Variants in ZNF749 observed in about 807,000 individuals in gnomAD.
ZNF749 encodes the protein zinc finger protein 749.
In ZNF749, 8 loss-of-function variants were observed where a neutral mutation model predicts 7.3. The observed-to-expected ratio is 1.10, with a 90% CI of 0.64 to 1.98. The LOEUF (loss-of-function observed/expected upper bound fraction) is 1.98. ZNF749 is among the 30% of genes most tolerant of loss of function. The probability of loss-of-function intolerance (pLI) is 0.00; values close to 1 mark genes in which losing one functional copy is unlikely to be tolerated. For missense variants in ZNF749, 898 were observed against 932.4 expected, an observed-to-expected ratio of 0.96 and a Z score of 0.48; for synonymous variants, 310 against 322.4, an observed-to-expected ratio of 0.96 and a Z score of 0.41.
upstream of ZNF749, among the ~76,000 whole-genome samples, chr19:57,433,438 G>T (rs898402125): frequency 4.6e-5 from 7 of 152,118 alleles, no homozygotes; most frequent in Non-Finnish European, 1.0e-4. Context: ...TATATTTGGT[G>T]TAGCCGTTGT....
At position 57,445,527 on chromosome 19, in the gene ZNF749, C is replaced by T. The variant is rs766005401; in HGVS notation, c.*42C>T. 1 of 1,561,306 alleles carries T rather than the reference C, an allele frequency of 6.4e-7. No individual in the cohort carries two copies. Among genetic ancestry groups the T allele is most frequent in the Non-Finnish European group, 8.6e-7 (1 of 1,156,234 alleles). On this transcript the variant is annotated 3_prime_UTR_variant, in exon 3 of 3. Coordinates refer to ENST00000334181, the MANE Select transcript of ZNF749 (RefSeq NM_001023561.4). ...AAGTCACCAAAACTGTCACCTCATT[C>T]AGCACCAAAAGGTTCACATCGGACC...
At position 57,444,688 on chromosome 19, in the gene ZNF749, A is replaced by G. The variant is rs762555675; in HGVS notation, c.1540A>G (p.Thr514Ala). 2 of 1,613,446 alleles carry G rather than the reference A, an allele frequency of 1.2e-6. No homozygotes were observed. The highest frequency in any genetic ancestry group is 2.2e-5 in the East Asian group (1 of 44,860). Residue 514 changes from threonine (T) to alanine (A), a missense_variant, in exon 3 of 3, where the codon ACT (threonine) becomes GCT (alanine). Coordinates refer to ENST00000334181, the MANE Select transcript of ZNF749 (RefSeq NM_001023561.4). ...IHTGERPYEC[T>A]QCAKAFVRKS... ...TACTGGAGAACGGCCTTATGAATGC[A>G]CTCAATGTGCGAAGGCCTTTGTTAG...
chr19:57,430,510 A>G (rs2088894354), upstream of ZNF749, among the ~76,000 whole-genome samples: 1 of 152,220 alleles, frequency 6.6e-6, no homozygotes, highest in African/African-American at 2.4e-5. Flanking sequence ...TCATATGCAT[A>G]TGAAAGAATT....
rs1279007542 is a variant in ZNF749, at chr19:57,441,966, C to G, written c.97C>G (p.His33Asp). The change falls in exon 2 of 3, where the codon CAC becomes GAC. Residue 33 changes from histidine (H) to aspartate (D), a missense_variant. His to Asp is a moderately conservative substitution (Grantham distance 81, BLOSUM62 -1). Transcript: ENST00000334181. ...GILNDAQRHL[H>D]SNVMLENFAL... is the part of the protein sequence containing the mutation. ...CCTTAATGATGCTCAGAGACACCTG[C>G]ACAGCAATGTGATGTTGGAGAACTT... 1 of 1,614,124 alleles carries G rather than the reference C, an allele frequency of 6.2e-7. No individual in the cohort carries two copies. Among genetic ancestry groups the G allele is most frequent in the Non-Finnish European group, 8.5e-7 (1 of 1,180,012 alleles).
rs927360464 is a variant in ZNF749, at chr19:57,442,970, C to G, written c.143-321C>G. 1.3e-5 allele frequency among the ~76,000 whole-genome samples: 2 copies of G among 152,162 alleles called. No homozygotes were observed. The highest frequency in any genetic ancestry group is 2.9e-5 in the Non-Finnish European group (2 of 68,036). On this transcript the variant is annotated intron_variant, in intron 2 of 2. Coordinates refer to ENST00000334181, the MANE Select transcript of ZNF749 (RefSeq NM_001023561.4). This position sits in a 1 kb window ranked among gnomAD's most constrained non-coding sequence, Gnocchi z 6.6. Reference sequence around the variant, plus strand: ...CTTCAGTAGTCCATGAATACTCGCTCTCACACAATCAGATCTCTCTGGATC... The same window carrying G: ...CTTCAGTAGTCCATGAATACTCGCTGTCACACAATCAGATCTCTCTGGATC...
At chr19:57,432,843 A>G (rs979614991), upstream of ZNF749, among the ~76,000 whole-genome samples, 2 of 152,188 alleles carry the variant, frequency 1.3e-5, no homozygotes, top group East Asian at 3.9e-4. Context: ...ATCTAATTAT[A>G]TCAATCCTTT....
rs7250024 is a variant in ZNF749, at chr19:57,446,464, A to G, written c.*979A>G. ...TCCCTACGCCAACCAGCCCCTGACA[A>G]TACTACTGTATGAATTTTACTATAA... On this transcript the variant is annotated 3_prime_UTR_variant, in exon 3 of 3. Transcript: ENST00000334181. 0.43 allele frequency among the ~76,000 whole-genome samples: 64,864 copies of G among 152,026 alleles called. 14,331 individuals carry two copies. Among genetic ancestry groups the G allele is most frequent in the South Asian group, 0.54 (2,597 of 4,814 alleles).
At position 57,443,489 on chromosome 19, in the gene ZNF749, G is replaced by A. The variant is rs752304273; in HGVS notation, c.341G>A (p.Cys114Tyr). 9.9e-6 allele frequency: 16 copies of A among 1,614,106 alleles called. No homozygotes were observed. Among genetic ancestry groups the A allele is most frequent in the Non-Finnish European group, 1.3e-5 (15 of 1,180,020 alleles). ...GTHPEQGLYTCAAEHDLHQKE... is the reference protein window; with the variant it reads ...GTHPEQGLYTYAAEHDLHQKE... ...CACCCTGAGCAAGGGCTGTACACAT[G>A]TGCAGCAGAGCATGACCTGCACCAA... is the stretch of plus-strand genomic sequence containing the variant. The change falls in exon 3 of 3, where the codon TGT (cysteine) becomes TAT (tyrosine). Residue 114 changes from cysteine (C) to tyrosine (Y), a missense_variant. Cys to Tyr is a radical substitution (Grantham distance 194). Transcript: ENST00000334181.
In ZNF749 at chr19:57,443,506, C is replaced by G; in HGVS notation, c.358C>G (p.Leu120Val). The G allele has an allele frequency of 6.2e-7, 1 of 1,614,152 alleles. No homozygotes were observed. Among genetic ancestry groups the G allele is most frequent in the Non-Finnish European group, 8.5e-7 (1 of 1,179,982 alleles). The part of the protein sequence containing the change: ...GLYTCAAEHD[L>V]HQKEQIREKL... ...GTACACATGTGCAGCAGAGCATGACCTGCACCAAAAGGAGCAGATTAGAGA... is the reference window on the plus strand; with the variant it reads ...GTACACATGTGCAGCAGAGCATGACGTGCACCAAAAGGAGCAGATTAGAGA... The change falls in exon 3 of 3, where the codon CTG (leucine) becomes GTG (valine). Residue 120 changes from leucine (L) to valine (V), a missense_variant. Coordinates refer to ENST00000334181, the MANE Select transcript of ZNF749 (RefSeq NM_001023561.4).
In ZNF749 at chr19:57,442,911, C is replaced by G. The variant is rs372809576; in HGVS notation, c.143-380C>G. Among the ~76,000 whole-genome samples the G allele has an allele frequency of 5.9e-5, 9 of 152,168 alleles. No individual in the cohort carries two copies. The highest frequency in any genetic ancestry group is 2.2e-4 in the African/African-American group (9 of 41,436). The stretch of plus-strand genomic sequence containing the variant: ...TTTGCAGTGCTGTCTAATGTATGAC[C>G]TGTACTTTAGGTGTTATGAGGTCTG... On this transcript the variant is annotated intron_variant, in intron 2 of 2. Coordinates refer to ENST00000334181, the MANE Select transcript of ZNF749 (RefSeq NM_001023561.4). This position sits in a 1 kb window ranked among gnomAD's most constrained non-coding sequence, Gnocchi z 6.6.
At position 57,441,134 on chromosome 19, in the gene ZNF749, A is replaced by AG. The variant is rs2088984416; in HGVS notation, c.16-751_16-750insG. ...TTGTCTCAAAAAAAAAAAAAAAAAAAAAAAGAGGGTAGGGCGCCCTGGGCT... is the reference window on the plus strand; with the variant it reads ...TTGTCTCAAAAAAAAAAAAAAAAAAAGAAAAGAGGGTAGGGCGCCCTGGGCT... On this transcript the variant is annotated intron_variant, in intron 1 of 2. Transcript: ENST00000334181. Among the ~76,000 whole-genome samples, 3 of 150,592 alleles carry AG rather than the reference A, an allele frequency of 2.0e-5. No individual in the cohort carries two copies. In the South Asian group the frequency reaches 6.3e-4, roughly 32 times the overall value.
rs751707145 is a variant in ZNF749, at chr19:57,441,889, G to A, written c.20G>A (p.Cys7Tyr). MNLTEDCMVFEDVAIYF... is the reference protein window; with the variant it reads MNLTEDYMVFEDVAIYF... ...GAAGTGTCATAATTTTGGCAGGATT[G>A]TATGGTCTTTGAGGATGTGGCCATA... Residue 7 changes from cysteine (C) to tyrosine (Y), a missense_variant, in exon 2 of 3, where the codon TGT becomes TAT. Physicochemically the swap from Cys to Tyr is radical, Grantham distance 194. Coordinates refer to ENST00000334181, the MANE Select transcript of ZNF749 (RefSeq NM_001023561.4). 3.7e-6 allele frequency: 6 copies of A among 1,614,154 alleles called. No individual in the cohort carries two copies. The South Asian group carries it at 5.5e-5, about 15-fold the overall frequency.
chr19:57,435,652 A>C (rs1479039300), intron 1 of ZNF749, 59 bp downstream of exon 1: 4 of 1,579,834 alleles, frequency 2.5e-6, no homozygotes, highest in Admixed American at 1.8e-5. Context: ...TGAAGTCCCA[A>C]GGAGCCGCCC....
At position 57,444,060 on chromosome 19, in the gene ZNF749, G is replaced by T. The variant is rs770213081; in HGVS notation, c.912G>T (p.Gly304=). The T allele has an allele frequency of 7.4e-6, 12 of 1,613,904 alleles. No individual in the cohort carries two copies. The East Asian group carries it at 2.5e-4, about 33-fold the overall frequency. ...CACCTTATGAATGCACCCAGTGTGG[G>T]AAGGCCTTTCTTACACAGGCTCATC... ...RPTPYECTQC[G]KAFLTQAHLV... The change falls in exon 3 of 3, where the codon GGG becomes GGT. Residue 304 remains glycine, a synonymous_variant. Transcript: ENST00000334181.
intron 1 of ZNF749, chr19:57,438,485 T>C (rs1358653428): frequency 4.6e-5 from 8 of 173,598 alleles, no homozygotes; most frequent in Non-Finnish European, 6.1e-5. Context: ...TTTTCATTTC[T>C]ACGTTCGTCC....
At chr19:57,437,835 T>G (rs2088950144) in intron 1 of ZNF749, 2 of 378,450 alleles carry the variant, frequency 5.3e-6, no homozygotes, top group Non-Finnish European at 9.3e-6. Context: ...TTATACATAG[T>G]GTGTACTACT....
chr19:57,446,931 C>T lies in ZNF749; in HGVS notation c.*1446C>T, dbSNP rs1265455461. 2.0e-5 allele frequency among the ~76,000 whole-genome samples: 3 copies of T among 152,172 alleles called. No individual in the cohort carries two copies. Among genetic ancestry groups the T allele is most frequent in the African/African-American group, 7.2e-5 (3 of 41,428 alleles). On this transcript the variant is annotated 3_prime_UTR_variant, in exon 3 of 3. Transcript: ENST00000334181. ...TGGTAAAAACTTTATAGGGCACTAACATGAACGAAGCTTGCGGGACCCCTC... is the reference window on the plus strand; with the variant it reads ...TGGTAAAAACTTTATAGGGCACTAATATGAACGAAGCTTGCGGGACCCCTC...
rs977124824 is a variant in ZNF749 at position 57,445,750 on chromosome 19, G to A, written c.*265G>A. On this transcript the variant is annotated 3_prime_UTR_variant, in exon 3 of 3. Coordinates refer to ENST00000334181, the MANE Select transcript of ZNF749 (RefSeq NM_001023561.4). ...TTGAGACCAGCCGGGCCAACATGGT[G>A]AAGCCCCATCTCTACTAAAAATACA... 6.6e-6 allele frequency among the ~76,000 whole-genome samples: 1 copy of A among 152,142 alleles called. No individual in the cohort carries two copies. The highest frequency in any genetic ancestry group is 1.5e-5 in the Non-Finnish European group (1 of 68,034).
rs80106817 is a variant in ZNF749 at position 57,439,347 on chromosome 19, C to T, written c.16-2538C>T. 0.012 allele frequency among the ~76,000 whole-genome samples: 1,790 copies of T among 152,092 alleles called. 40 individuals carry two copies. Among genetic ancestry groups the T allele is most frequent in the African/African-American group, 0.041 (1,706 of 41,464 alleles). On this transcript the variant is annotated intron_variant, in intron 1 of 2. Coordinates refer to ENST00000334181, the MANE Select transcript of ZNF749 (RefSeq NM_001023561.4). This position sits in a 1 kb window ranked among gnomAD's most constrained non-coding sequence, Gnocchi z 4.3. ...TGGGAGCTGAGATGGAAGAGGGGGT[C>T]AGGAATGGCCCCACAGTTTTGGCCT...
Sources: allele counts gnomAD v4.1 joint callset (sites outside exome capture counted in the v4.1 genomes callset), GRCh38; gene constraint gnomAD v4.1.1; non-coding constraint Gnocchi (gnomAD v3.1); transcripts MANE v1.5; gene names NCBI Gene and HGNC (gene_info 2026-07-23, HGNC 2026-07-21).